Variants in P2RY11 observed in about 807,000 individuals in gnomAD.
P2RY11 encodes the protein P2Y purinoceptor 11.
Under a neutral mutation model 2.4 loss-of-function variants are expected in P2RY11, and 3 were observed. That is an observed-to-expected ratio of 1.22 (90% CI 0.56 to 3.17). The LOEUF (loss-of-function observed/expected upper bound fraction) is 3.17. P2RY11 is among the 30% of genes most tolerant of loss of function. The pLI is 0.03. For missense variants in P2RY11, 670 were observed against 528.2 expected, an observed-to-expected ratio of 1.27 and a Z score of -2.63; for synonymous variants, 307 against 237.3, an observed-to-expected ratio of 1.29 and a Z score of -2.70.
chr19:10,114,635 G>C lies in P2RY11; in HGVS notation c.1022G>C (p.Ser341Thr). ...CCRHCPGYRDSWNPEDAKSTG... is the reference protein window; with the variant it reads ...CCRHCPGYRDTWNPEDAKSTG... Reference sequence around the variant, plus strand: ...CGACACTGCCCCGGCTACAGGGACAGCTGGAACCCAGAGGACGCCAAGAGC... The same window carrying C: ...CGACACTGCCCCGGCTACAGGGACACCTGGAACCCAGAGGACGCCAAGAGC... Residue 341 changes from serine to threonine, a missense_variant, in exon 2 of 2, where the codon AGC becomes ACC. Coordinates refer to ENST00000321826, the MANE Select transcript of P2RY11 (RefSeq NM_002566.5). The C allele has an allele frequency of 1.2e-6, 2 of 1,614,050 alleles. No homozygotes were observed. Among genetic ancestry groups the C allele is most frequent in the Non-Finnish European group, 1.7e-6 (2 of 1,179,998 alleles).
chr19:10,113,894 A>T lies in P2RY11; in HGVS notation c.281A>T (p.His94Leu). 6.2e-7 allele frequency: 1 copy of T among 1,608,498 alleles called. No individual in the cohort carries two copies. Among genetic ancestry groups the T allele is most frequent in the Non-Finnish European group, 8.5e-7 (1 of 1,179,704 alleles). ...GCCGCCTACCTCTATCCCCCCAAGC[A>T]CTGGCGCTATGGGGAGGCCGCGTGC... ...PLAAYLYPPK[H>L]WRYGEAACRL... The change falls in exon 2 of 2, where the codon CAC (histidine) becomes CTC (leucine). Residue 94 changes from histidine to leucine, a missense_variant. Physicochemically the swap from His to Leu is moderately conservative, Grantham distance 99. Transcript: ENST00000321826.
At chr19:10,111,839 C>T (rs537575002) in intron 1 of P2RY11, 99 bp downstream of exon 1, 27 of 1,392,568 alleles carry the variant, frequency 1.9e-5, no homozygotes, top group African/African-American at 2.8e-5. Flanking sequence ...GGGCTGGGCA[C>T]GGTGGCTCAC....
Position 10,115,025 on chromosome 19 carries a change from G to T in P2RY11, c.*287G>T. 1 of 1,576,756 alleles carries T rather than the reference G, an allele frequency of 6.3e-7. No homozygotes were observed. The highest frequency in any genetic ancestry group is 1.1e-5 in the South Asian group (1 of 88,422). On this transcript the variant is annotated 3_prime_UTR_variant, in exon 2 of 2. Transcript: ENST00000321826. ...CAAAAAGAACCAAGTAGAGAGAGTG[G>T]AGCTGCTTTATTGCCCTTGGAGCCC...
In P2RY11 at chr19:10,113,948, A is replaced by G; in HGVS notation, c.335A>G (p.Asn112Ser). The part of the protein sequence containing the change: ...CRLERFLFTC[N>S]LLGSVIFITC... Reference sequence around the variant, plus strand: ...CTGGAGCGCTTCCTCTTCACCTGCAACCTGCTGGGCAGCGTCATCTTCATC... The same window carrying G: ...CTGGAGCGCTTCCTCTTCACCTGCAGCCTGCTGGGCAGCGTCATCTTCATC... The change falls in exon 2 of 2, where the codon AAC becomes AGC. Residue 112 changes from asparagine to serine, a missense_variant. By Grantham distance (46) the Asn-to-Ser change is conservative (BLOSUM62 1). Transcript: ENST00000321826. 6.2e-7 allele frequency: 1 copy of G among 1,602,328 alleles called. No individual in the cohort carries two copies. Among genetic ancestry groups the G allele is most frequent in the Non-Finnish European group, 8.5e-7 (1 of 1,179,852 alleles).
At position 10,114,661 on chromosome 19, in the gene P2RY11, A is replaced by G. The variant is rs779187981; in HGVS notation, c.1048A>G (p.Thr350Ala). The G allele has an allele frequency of 1.5e-5, 24 of 1,613,876 alleles. No homozygotes were observed. Among genetic ancestry groups the G allele is most frequent in the Non-Finnish European group, 2.0e-5 (24 of 1,179,982 alleles). Reference sequence around the variant, plus strand: ...CTGGAACCCAGAGGACGCCAAGAGCACTGGCCAAGCCCTGCCCCTCAATGC... The same window carrying G: ...CTGGAACCCAGAGGACGCCAAGAGCGCTGGCCAAGCCCTGCCCCTCAATGC... Reference protein sequence around the residue: ...DSWNPEDAKSTGQALPLNATA... With the variant: ...DSWNPEDAKSAGQALPLNATA... Residue 350 changes from threonine to alanine, a missense_variant, in exon 2 of 2, where the codon ACT (threonine) becomes GCT (alanine). Transcript: ENST00000321826.
At position 10,113,774 on chromosome 19, in the gene P2RY11, G is replaced by A. The variant is rs139724446; in HGVS notation, c.161G>A (p.Ser54Asn). 2.5e-6 allele frequency: 4 copies of A among 1,613,932 alleles called. No homozygotes were observed. Among genetic ancestry groups the A allele is most frequent in the Non-Finnish European group, 3.4e-6 (4 of 1,179,994 alleles). Residue 54 changes from serine (S) to asparagine (N), a missense_variant, in exon 2 of 2, where the codon AGC (serine) becomes AAC (asparagine). By Grantham distance (46) the Ser-to-Asn change is conservative. Transcript: ENST00000321826. Reference protein sequence around the residue: ...ASNGLALYRFSIRKQRPWHPA... With the variant: ...ASNGLALYRFNIRKQRPWHPA... ...AATGGCCTGGCCCTGTACCGCTTCAGCATCCGGAAGCAGCGCCCATGGCAC... is the reference window on the plus strand; with the variant it reads ...AATGGCCTGGCCCTGTACCGCTTCAACATCCGGAAGCAGCGCCCATGGCAC...
At chr19:10,112,474 C>G (rs1324129767) in intron 1 of P2RY11, 1 of 152,486 alleles carries the variant, frequency 6.6e-6, no homozygotes, top group Non-Finnish European at 1.5e-5. Context: ...GCCCCCCCAT[C>G]CTCCCGAAGG....
intron 1 of P2RY11, among the ~76,000 whole-genome samples, chr19:10,112,766 C>G (rs1361315062): frequency 6.6e-6 from 1 of 152,154 alleles, no homozygotes; most frequent in South Asian, 2.1e-4. Flanking sequence ...GAAACCCCAT[C>G]TCTACTAAAA....
chr19:10,111,710 C>A lies in P2RY11; in HGVS notation c.-12C>A. The A allele has an allele frequency of 6.2e-7, 1 of 1,613,564 alleles. No individual in the cohort carries two copies. The highest frequency in any genetic ancestry group is 8.5e-7 in the Non-Finnish European group (1 of 1,179,818). The stretch of plus-strand genomic sequence containing the variant: ...TGGGTAGCAGACACAGGCTGAGGAT[C>A]GGCACGGGAGCATGGCAGCCAACGT... On this transcript the variant is annotated 5_prime_UTR_variant, in exon 1 of 2. Transcript: ENST00000321826.
chr19:10,114,249 G>T lies in P2RY11; in HGVS notation c.636G>T (p.Leu212Phe), dbSNP rs985684559. 10 of 1,598,744 alleles carry T rather than the reference G, an allele frequency of 6.3e-6. No homozygotes were observed. Among genetic ancestry groups the T allele is most frequent in the Admixed American group, 1.7e-5 (1 of 59,960 alleles). Residue 212 changes from leucine to phenylalanine, a missense_variant, in exon 2 of 2, where the codon TTG becomes TTT. Transcript: ENST00000321826. ...YRAYSLVLAG[L>F]GCGLPLLLTL... is the part of the protein sequence containing the mutation. ...CGTATAGCCTGGTGCTGGCGGGGTT[G>T]GGCTGCGGCCTGCCGCTGCTGCTCA... is the stretch of plus-strand genomic sequence containing the variant.
rs2089220164 is a variant in P2RY11, at chr19:10,115,222, G to A, written c.*484G>A. On this transcript the variant is annotated 3_prime_UTR_variant, in exon 2 of 2. Transcript: ENST00000321826. ...GCATCTTGGGGGTGGGTGGGCAGAGGACGGGGTAATGTGAGGACGAAGCGG... is the reference window on the plus strand; with the variant it reads ...GCATCTTGGGGGTGGGTGGGCAGAGAACGGGGTAATGTGAGGACGAAGCGG... 4 of 1,513,400 alleles carry A rather than the reference G, an allele frequency of 2.6e-6. No homozygotes were observed. Among genetic ancestry groups the A allele is most frequent in the African/African-American group, 1.4e-5 (1 of 73,188 alleles). 93.7% of individuals were successfully genotyped at this position (1,513,400 alleles called of 1,614,324 possible).
At chr19:10,111,831 G>C in intron 1 of P2RY11, 91 bp downstream of exon 1, 1 of 1,477,728 alleles carries the variant, frequency 6.8e-7, no homozygotes, top group Non-Finnish European at 9.4e-7. Context: ...TAGGTCTGGG[G>C]CTGGGCACGG....
Position 10,114,587 on chromosome 19 carries a change from T to A in P2RY11, c.974T>A (p.Val325Glu). 1 of 1,613,814 alleles carries A rather than the reference T, an allele frequency of 6.2e-7. No homozygotes were observed. Among genetic ancestry groups the A allele is most frequent in the Non-Finnish European group, 8.5e-7 (1 of 1,179,962 alleles). ...CVHPLLYMAA[V>E]PSLGCCCRHC... ...CACCCTCTACTCTACATGGCCGCAG[T>A]GCCCAGCCTGGGCTGCTGCTGCCGA... Residue 325 changes from valine to glutamate, a missense_variant, in exon 2 of 2, where the codon GTG becomes GAG. Coordinates refer to ENST00000321826, the MANE Select transcript of P2RY11 (RefSeq NM_002566.5).
In P2RY11 at chr19:10,115,240, C is replaced by G. The variant is rs994657427; in HGVS notation, c.*502C>G. The G allele has an allele frequency of 2.8e-6, 4 of 1,410,362 alleles. No homozygotes were observed. In the Admixed American group the frequency reaches 6.5e-5, roughly 23 times the overall value. The allele number at this position is 1,410,362 out of a possible 1,614,324, so 87.4% of individuals were successfully genotyped here. A position where few individuals can be genotyped will look rare whatever the true frequency, so the allele number is the denominator to read the frequency against. Reference sequence around the variant, plus strand: ...GGCAGAGGACGGGGTAATGTGAGGACGAAGCGGGCACGGAGCCAGATGGCC... The same window carrying G: ...GGCAGAGGACGGGGTAATGTGAGGAGGAAGCGGGCACGGAGCCAGATGGCC... On this transcript the variant is annotated 3_prime_UTR_variant, in exon 2 of 2. Coordinates refer to ENST00000321826, the MANE Select transcript of P2RY11 (RefSeq NM_002566.5).
In P2RY11 at chr19:10,113,940, C is replaced by G. The variant is rs1289555679; in HGVS notation, c.327C>G (p.Phe109Leu). The G allele has an allele frequency of 6.2e-7, 1 of 1,602,782 alleles. No homozygotes were observed. Among genetic ancestry groups the G allele is most frequent in the East Asian group, 2.2e-5 (1 of 44,892 alleles). The change falls in exon 2 of 2, where the codon TTC (phenylalanine) becomes TTG (leucine). Residue 109 changes from phenylalanine to leucine, a missense_variant. By Grantham distance (22) the Phe-to-Leu change is conservative (BLOSUM62 0). Transcript: ENST00000321826. The part of the protein sequence containing the change: ...EAACRLERFL[F>L]TCNLLGSVIF... ...CGTGCCGCCTGGAGCGCTTCCTCTT[C>G]ACCTGCAACCTGCTGGGCAGCGTCA...
chr19:10,115,246 G>C lies in P2RY11; in HGVS notation c.*508G>C, dbSNP rs891087648. On this transcript the variant is annotated 3_prime_UTR_variant, in exon 2 of 2. Coordinates refer to ENST00000321826, the MANE Select transcript of P2RY11 (RefSeq NM_002566.5). ...GGACGGGGTAATGTGAGGACGAAGC[G>C]GGCACGGAGCCAGATGGCCAGTCTC... 2 of 1,367,000 alleles carry C rather than the reference G, an allele frequency of 1.5e-6. No homozygotes were observed. Among genetic ancestry groups the C allele is most frequent in the Middle Eastern group, 2.4e-4 (1 of 4,222 alleles). The allele number at this position is 1,367,000 out of a possible 1,614,324, so 84.7% of individuals were successfully genotyped here.
At position 10,115,113 on chromosome 19, in the gene P2RY11, C is replaced by T; in HGVS notation, c.*375C>T. Reference sequence around the variant, plus strand: ...GGACCGAGTACACAGTGGCAGCTGGCTTAGTTGGTGGACGGCCTGGGGTAG... The same window carrying T: ...GGACCGAGTACACAGTGGCAGCTGGTTTAGTTGGTGGACGGCCTGGGGTAG... On this transcript the variant is annotated 3_prime_UTR_variant, in exon 2 of 2. Transcript: ENST00000321826. 6.2e-7 allele frequency: 1 copy of T among 1,614,006 alleles called. No individual in the cohort carries two copies. Among genetic ancestry groups the T allele is most frequent in the South Asian group, 1.1e-5 (1 of 91,014 alleles).
Position 10,113,636 on chromosome 19 carries a change from C to T in P2RY11, c.23C>T (p.Ala8Val), listed in dbSNP as rs369094834. Residue 8 changes from alanine (A) to valine (V), a missense_variant, in exon 2 of 2, where the codon GCC (alanine) becomes GTC (valine). Physicochemically the swap from Ala to Val is moderately conservative, Grantham distance 64. Coordinates refer to ENST00000321826, the MANE Select transcript of P2RY11 (RefSeq NM_002566.5). ...TGGTGACACCTTCTGCCCACAGGTG[C>T]CAAGTCCTGCCCTGCCAACTTCTTG... MAANVSG[A>V]KSCPANFLAA... 22 of 1,607,740 alleles carry T rather than the reference C, an allele frequency of 1.4e-5. No individual in the cohort carries two copies. Among genetic ancestry groups the T allele is most frequent in the Non-Finnish European group, 1.8e-5 (21 of 1,175,132 alleles).
chr19:10,114,906 C>A lies in P2RY11; in HGVS notation c.*168C>A. The A allele has an allele frequency of 7.2e-7, 1 of 1,398,550 alleles. No homozygotes were observed. Among genetic ancestry groups the A allele is most frequent in the South Asian group, 1.3e-5 (1 of 74,592 alleles). The allele number at this position is 1,398,550 out of a possible 1,614,324, so 86.6% of individuals were successfully genotyped here. ...GAGCAGTCGCCTTTCCCACCCACAG[C>A]GCTGGCCACAGGGCTCCCTGCAGGG... On this transcript the variant is annotated 3_prime_UTR_variant, in exon 2 of 2. Coordinates refer to ENST00000321826, the MANE Select transcript of P2RY11 (RefSeq NM_002566.5).
Sources: allele counts gnomAD v4.1 joint callset (sites outside exome capture counted in the v4.1 genomes callset), GRCh38; gene constraint gnomAD v4.1.1; transcripts MANE v1.5; gene names NCBI Gene and HGNC (gene_info 2026-07-23, HGNC 2026-07-21).